Variants in DAP observed in about 807,000 individuals in gnomAD.
The protein encoded by DAP is death associated protein, also known as death-associated protein 1.
A neutral mutation model predicts 13.8 loss-of-function variants in DAP; 8 were observed. The observed-to-expected ratio is 0.58, with a 90% CI of 0.34 to 1.05. DAP has a LOEUF of 1.05. DAP is among the 50% of genes least tolerant of loss of function. The probability of loss-of-function intolerance (pLI) is 0.03; values close to 1 mark genes in which losing one functional copy is unlikely to be tolerated. For synonymous variants in DAP, 47 were observed against 47.5 expected (o/e 0.99, Z 0.04); for missense variants, 106 against 133.2 (o/e 0.80, Z 1.01).
chr5:10,707,823 G>A lies in DAP; in HGVS notation c.153-24252C>T, dbSNP rs138435862. On this transcript the variant is annotated intron_variant, in intron 2 of 3. Coordinates refer to ENST00000230895, the MANE Select transcript of DAP (RefSeq NM_004394.3). This position sits in a 1 kb window ranked among gnomAD's most constrained non-coding sequence, Gnocchi z 4.0. ...GTGTGATGGATGGGTGGCACTGGAT[G>A]AGTACTGGCTCTGCTCATCATCCAG... Among the ~76,000 whole-genome samples, 475 of 152,328 alleles carry A rather than the reference G, an allele frequency of 3.1e-3. 1 individual carries two copies. Among genetic ancestry groups the A allele is most frequent in the African/African-American group, 0.01 (432 of 41,570 alleles).
intron 2 of DAP, among the ~76,000 whole-genome samples, chr5:10,746,443 C>A (rs745745455): frequency 5.9e-5 from 9 of 151,650 alleles, no homozygotes; most frequent in African/African-American, 2.2e-4. Flanking sequence ...GGTTCTCCTG[C>A]CTCAGCCTCC....
At chr5:10,717,273 G>A (rs1052909564) in intron 2 of DAP, among the ~76,000 whole-genome samples, 1 of 152,194 alleles carries the variant, frequency 6.6e-6, no homozygotes, top group Non-Finnish European at 1.5e-5. Context: ...TGTAGAGAAA[G>A]AGCTGAAATT....
chr5:10,719,500 C>T (rs1191092284), intron 2 of DAP, among the ~76,000 whole-genome samples: 1 of 152,226 alleles, frequency 6.6e-6, no homozygotes, highest in Non-Finnish European at 1.5e-5. Flanking sequence ...CAGATAACTA[C>T]TCTCCTTTTG....
intron 2 of DAP, among the ~76,000 whole-genome samples, chr5:10,720,913 G>A (rs976791500): frequency 6.6e-6 from 1 of 152,216 alleles, no homozygotes; most frequent in Non-Finnish European, 1.5e-5. Flanking sequence ...TGGACTCGCG[G>A]AATGCCTTAT....
chr5:10,718,859 A>G (rs1223202192), intron 2 of DAP, among the ~76,000 whole-genome samples: 1 of 152,028 alleles, frequency 6.6e-6, no homozygotes, highest in African/African-American at 2.4e-5. Flanking sequence ...GGGTATATCA[A>G]CTCTCTGGCT....
At chr5:10,705,641 G>T (rs952518164) in intron 2 of DAP, among the ~76,000 whole-genome samples, 2 of 152,210 alleles carry the variant, frequency 1.3e-5, no homozygotes, top group Admixed American at 1.3e-4. Flanking sequence ...CATAGAGAAA[G>T]GAGAACTCAA....
chr5:10,724,300 G>A (rs886805331), intron 2 of DAP, among the ~76,000 whole-genome samples: 8 of 152,302 alleles, frequency 5.3e-5, no homozygotes, highest in Admixed American at 2.6e-4. Context: ...GTCTAGCAAG[G>A]TTCCACCTCT....
At chr5:10,715,293 G>T (rs1738955459) in intron 2 of DAP, among the ~76,000 whole-genome samples, 1 of 152,178 alleles carries the variant, frequency 6.6e-6, no homozygotes, top group Admixed American at 6.5e-5. Flanking sequence ...GAGTATTTGT[G>T]AAGTAATAGG....
chr5:10,726,374 C>T (rs957752526), intron 2 of DAP, among the ~76,000 whole-genome samples: 4 of 152,234 alleles, frequency 2.6e-5, no homozygotes, highest in Non-Finnish European at 5.9e-5. Context: ...ATAAGTGCTG[C>T]TCACAGCGTG....
chr5:10,718,045 C>A (rs1260890701), intron 2 of DAP, among the ~76,000 whole-genome samples: 2 of 152,196 alleles, frequency 1.3e-5, no homozygotes, highest in African/African-American at 2.4e-5. Context: ...GACCCTACTA[C>A]ATTACCAACA....
At chr5:10,750,067 G>GC (rs879595865) in intron 1 of DAP, among the ~76,000 whole-genome samples, 16 of 152,030 alleles carry the variant, frequency 1.1e-4, no homozygotes, top group Admixed American at 7.9e-4. Flanking sequence ...GTAGTCATTG[G>GC]CCCCCCAGGC....
chr5:10,744,903 T>C (rs1739862760), intron 2 of DAP, among the ~76,000 whole-genome samples: 1 of 152,206 alleles, frequency 6.6e-6, no homozygotes, highest in Non-Finnish European at 1.5e-5. Context: ...TTACCCACCG[T>C]GTGCCCTCGG....
rs761698889 is a variant in DAP, at chr5:10,707,728, T to C, written c.153-24157A>G. 6.6e-5 allele frequency among the ~76,000 whole-genome samples: 10 copies of C among 152,088 alleles called. No homozygotes were observed. The highest frequency in any genetic ancestry group is 1.5e-4 in the Non-Finnish European group (10 of 68,008). ...TGTGATGCATGGGTGGTGTGGTGTG[T>C]GGGTGGTATGGCACACAGGTGGCGT... is the stretch of plus-strand genomic sequence containing the variant. On this transcript the variant is annotated intron_variant, in intron 2 of 3. Transcript: ENST00000230895. The surrounding 1 kb of genome is among the most constrained non-coding windows in gnomAD (Gnocchi z 4.0).
intron 2 of DAP, among the ~76,000 whole-genome samples, chr5:10,695,045 G>C (rs755025933): frequency 5.3e-5 from 8 of 152,158 alleles, no homozygotes; most frequent in Non-Finnish European, 8.8e-5. Flanking sequence ...TTCTTGGCTT[G>C]GTCTTAATTT....
intron 2 of DAP, among the ~76,000 whole-genome samples, chr5:10,685,921 TACAG>T (rs1738143933): frequency 6.7e-6 from 1 of 150,156 alleles, no homozygotes. Flanking sequence ...CCCTCCCCTC[TACAG>T]ACACACACAC....
intron 2 of DAP, among the ~76,000 whole-genome samples, chr5:10,711,178 C>T (rs1426916721): frequency 6.6e-6 from 1 of 152,222 alleles, no homozygotes; most frequent in Non-Finnish European, 1.5e-5. Context: ...TTTTGCTCTG[C>T]TGTACACAGC....
intron 2 of DAP, among the ~76,000 whole-genome samples, chr5:10,722,007 A>G (rs1645394084): frequency 6.6e-6 from 1 of 152,184 alleles, no homozygotes; most frequent in Non-Finnish European, 1.5e-5. Flanking sequence ...TACAAAGGAT[A>G]GTTGTATTAT....
chr5:10,683,716 G>T (rs544408730), intron 2 of DAP, 145 bp from the exon 3 acceptor site: 10 of 748,564 alleles, frequency 1.3e-5, no homozygotes, highest in Non-Finnish European at 2.3e-5. Context: ...GTTATTTGTT[G>T]TAATGATCAC....
At chr5:10,682,137 A>G (rs10063415) in intron 3 of DAP, among the ~76,000 whole-genome samples, 34,098 of 146,460 alleles carry the variant, frequency 0.23, 4,171 homozygotes, top group Middle Eastern at 0.33. Context: ...AGCACCCATC[A>G]GCGTCCCTGC....
Sources: gnomAD v4.1 joint callset for allele counts (sites outside exome capture counted in the v4.1 genomes callset) on GRCh38, gnomAD v4.1.1 for gene constraint, Gnocchi (gnomAD v3.1) non-coding constraint, MANE v1.5 for transcripts, NCBI Gene and HGNC (gene_info 2026-07-23, HGNC 2026-07-21) for gene names.